Variants in MSH3 observed in about 807,000 individuals in gnomAD.
MSH3 encodes the protein mutS homolog 3.
MSH3 carries 106 observed loss-of-function variants against 123.3 expected under a neutral mutation model. That is an observed-to-expected ratio of 0.86 (90% confidence interval 0.73 to 1.01). The LOEUF (loss-of-function observed/expected upper bound fraction) is 1.01. Among genes scored for constraint, MSH3 ranks in the 50% least tolerant of loss-of-function variants. MSH3 has a pLI of 0.00. For missense variants in MSH3, 1,459 were observed against 1,347.6 expected, an observed-to-expected ratio of 1.08 and a Z score of -1.29; for synonymous variants, 515 against 481.4, an observed-to-expected ratio of 1.07 and a Z score of -0.91.
At chr5:80,816,576 G>A (rs1437538387) in intron 20 of MSH3, among the ~76,000 whole-genome samples, 1 of 152,108 alleles carries the variant, frequency 6.6e-6, no homozygotes, top group South Asian at 2.1e-4. Flanking sequence ...TGTCTGCATT[G>A]GTTACACTGT....
intron 11 of MSH3, among the ~76,000 whole-genome samples, chr5:80,743,117 G>A (rs1743647276): frequency 6.6e-6 from 1 of 152,096 alleles, no homozygotes; most frequent in Admixed American, 6.6e-5. Flanking sequence ...GGAGTTGGGT[G>A]TCAGCAAGAA....
chr5:80,698,111 A>G (rs763941608), intron 8 of MSH3, among the ~76,000 whole-genome samples: 1 of 152,008 alleles, frequency 6.6e-6, no homozygotes, highest in Admixed American at 6.6e-5. Flanking sequence ...TATGTCTTCT[A>G]TACTGGTTTT....
chr5:80,850,988 T>C (rs545205533), intron 20 of MSH3, among the ~76,000 whole-genome samples: 1 of 152,336 alleles, frequency 6.6e-6, no homozygotes, highest in South Asian at 2.1e-4. Context: ...AAAAAATTTC[T>C]GGTGACCTCA....
At chr5:80,854,364 A>G (rs1398774227) in intron 21 of MSH3, 48 bp downstream of exon 21, 1 of 1,522,724 alleles carries the variant, frequency 6.6e-7, no homozygotes. Flanking sequence ...TTTGTAAATT[A>G]TTATTTTTAA....
chr5:80,819,747 A>C (rs553912970), intron 20 of MSH3, among the ~76,000 whole-genome samples: 1 of 152,252 alleles, frequency 6.6e-6, no homozygotes, highest in East Asian at 1.9e-4. Flanking sequence ...TTGACCTCCC[A>C]AAGCACTGGG....
At chr5:80,864,207 A>G (rs923369819) in intron 21 of MSH3, among the ~76,000 whole-genome samples, 5 of 152,200 alleles carry the variant, frequency 3.3e-5, no homozygotes, top group African/African-American at 1.2e-4. Flanking sequence ...CCCCTTAGGT[A>G]GGAATTTGGG....
In MSH3 at chr5:80,686,332, T is replaced by TCAAAAACA. The variant is rs1293901318; in HGVS notation, c.1340+7239_1340+7240insCAAAAACA. 3.9e-5 allele frequency among the ~76,000 whole-genome samples: 6 copies of TCAAAAACA among 152,198 alleles called. No individual in the cohort carries two copies. The South Asian group carries it at 6.2e-4, about 16-fold the overall frequency. The stretch of plus-strand genomic sequence containing the variant: ...TCTCTCTTTTTTTTGAGACAGAGTC[T>TCAAAAACA]TGCTCTGTCACCCAGGGGGCAGTGC... On this transcript the variant is annotated intron_variant, in intron 8 of 23. Coordinates refer to ENST00000265081, the MANE Select transcript of MSH3 (RefSeq NM_002439.5).
chr5:80,709,556 A>G (rs1045190354), intron 8 of MSH3, among the ~76,000 whole-genome samples: 3 of 152,158 alleles, frequency 2.0e-5, no homozygotes, highest in Admixed American at 6.5e-5. Flanking sequence ...CGGGAGGCGG[A>G]GCTTGCAGTG....
chr5:80,799,816 C>T (rs978756434), intron 19 of MSH3, among the ~76,000 whole-genome samples: 2 of 152,108 alleles, frequency 1.3e-5, no homozygotes, highest in Non-Finnish European at 2.9e-5. Context: ...AGCTTTAGGC[C>T]TCTGTTTCCT....
intron 20 of MSH3, among the ~76,000 whole-genome samples, chr5:80,837,171 C>A (rs956029840): frequency 6.6e-6 from 1 of 152,028 alleles, no homozygotes; most frequent in Non-Finnish European, 1.5e-5. Context: ...TTTTAAAATA[C>A]GGAGCTAAAA....
chr5:80,776,928 A>G (rs28447305), intron 16 of MSH3, among the ~76,000 whole-genome samples: 2 of 139,412 alleles, frequency 1.4e-5, no homozygotes, highest in Non-Finnish European at 3.1e-5. Flanking sequence ...ATATATATAT[A>G]TTTTTTTTTT....
rs1050828639 is a variant in MSH3, at chr5:80,835,844, G to A, written c.2814-18286G>A. Among the ~76,000 whole-genome samples the A allele has an allele frequency of 7.2e-5, 11 of 152,198 alleles. No homozygotes were observed. In the South Asian group the frequency reaches 8.3e-4, roughly 12 times the overall value. ...GCACGAGAATTACTTGAACCCTGGA[G>A]GTAGAGGTTACAGTGAGCTGAGATT... On this transcript the variant is annotated intron_variant, in intron 20 of 23. Transcript: ENST00000265081.
At chr5:80,873,571 A>G (rs1746258701) in intron 23 of MSH3, among the ~76,000 whole-genome samples, 1 of 152,216 alleles carries the variant, frequency 6.6e-6, no homozygotes, top group African/African-American at 2.4e-5. Context: ...TACTTTAAAG[A>G]TTCAGTATGC....
chr5:80,875,453 A>C (rs1580105858), intron 23 of MSH3, among the ~76,000 whole-genome samples: 1 of 152,308 alleles, frequency 6.6e-6, no homozygotes, highest in East Asian at 1.9e-4. Context: ...AGCACACACC[A>C]CCAGCCTCTA....
At chr5:80,838,733 A>T (rs1034998785) in intron 20 of MSH3, among the ~76,000 whole-genome samples, 1 of 152,136 alleles carries the variant, frequency 6.6e-6, no homozygotes, top group Non-Finnish European at 1.5e-5. Flanking sequence ...CTACAACCAC[A>T]TAGAAAAGTT....
intron 13 of MSH3, among the ~76,000 whole-genome samples, chr5:80,762,043 C>T (rs916950719): frequency 2.1e-4 from 32 of 151,760 alleles, no homozygotes; most frequent in African/African-American, 7.5e-4. Context: ...CTTAGAACAA[C>T]TTATTGTTTC....
chr5:80,662,192 C>T (rs896001631), intron 2 of MSH3, among the ~76,000 whole-genome samples: 2 of 152,196 alleles, frequency 1.3e-5, no homozygotes, highest in Non-Finnish European at 2.9e-5. Flanking sequence ...GTATTCAGTA[C>T]AGTAACATGC....
intron 8 of MSH3, among the ~76,000 whole-genome samples, chr5:80,680,563 C>G (rs844368): frequency 0.25 from 37,884 of 149,832 alleles, 4,874 homozygotes; most frequent in Middle Eastern, 0.32. Context: ...AATCACTTTT[C>G]TATTCTGTGG....
rs556952111 is a variant in MSH3 at position 80,844,773 on chromosome 5, T to TA, written c.2814-9357_2814-9356insA. On this transcript the variant is annotated intron_variant, in intron 20 of 23. Transcript: ENST00000265081. ...GTTTGGTAGATCTGCCTCCTTCCCTTTATTTTGAGCCTATGTGTGTTTTTG... is the reference window on the plus strand; with the variant it reads ...GTTTGGTAGATCTGCCTCCTTCCCTTATATTTTGAGCCTATGTGTGTTTTTG... 3.9e-5 allele frequency among the ~76,000 whole-genome samples: 6 copies of TA among 152,276 alleles called. No individual in the cohort carries two copies. In the South Asian group the frequency reaches 1.2e-3, roughly 32 times the overall value.
Sources: gnomAD v4.1 joint callset for allele counts (sites outside exome capture counted in the v4.1 genomes callset) on GRCh38, gnomAD v4.1.1 for gene constraint, MANE v1.5 for transcripts, NCBI Gene and HGNC (gene_info 2026-07-23, HGNC 2026-07-21) for gene names.